BEND3: variants seen among roughly 807,000 people sequenced by gnomAD.
BEND3 encodes the protein BEN domain containing 3.
A neutral mutation model predicts 60.1 loss-of-function variants in BEND3; 13 were observed. The ratio of observed to expected loss-of-function variants is 0.22; its 90% confidence interval spans 0.14 to 0.34. The LOEUF (loss-of-function observed/expected upper bound fraction) is 0.34, where lower values mean the gene tolerates loss of function less well. Ranked by LOEUF, BEND3 falls within the 10% of genes least tolerant of loss-of-function variation. The pLI is 1.00. For synonymous variants in BEND3, 497 were observed against 491.5 expected, an observed-to-expected ratio of 1.01 and a Z score of -0.15; for missense variants, 896 against 1,138.1, an observed-to-expected ratio of 0.79 and a Z score of 3.06.
Position 107,069,657 on chromosome 6 carries a change from T to C in BEND3, c.1534A>G (p.Lys512Glu), listed in dbSNP as rs1774919012. 1 of 1,610,000 alleles carries C rather than the reference T, an allele frequency of 6.2e-7. No individual in the cohort carries two copies. Among genetic ancestry groups the C allele is most frequent in the East Asian group, 2.2e-5 (1 of 44,836 alleles). Residue 512 changes from lysine to glutamate, a missense_variant, in exon 4 of 4, where the codon AAG becomes GAG. This residue lies in a region of BEND3 where 846 missense variants were observed against 1,036.7 expected (regional missense o/e 0.82). Coordinates refer to ENST00000369042, the MANE Select transcript of BEND3 (RefSeq NM_001367314.1). Reference sequence around the variant, plus strand: ...TCGCCCTCGAAGCTGTCCTCCACCTTGACCACTGAGATGTCGTCGGGCAGA... The same window carrying C: ...TCGCCCTCGAAGCTGTCCTCCACCTCGACCACTGAGATGTCGTCGGGCAGA... ...SSLPDDISVV[K>E]VEDSFEGERP...
Position 107,068,685 on chromosome 6 carries a change from C to G in BEND3, c.*19G>C, listed in dbSNP as rs781928628. 7 of 1,604,734 alleles carry G rather than the reference C, an allele frequency of 4.4e-6. No individual in the cohort carries two copies. The highest frequency in any genetic ancestry group is 6.0e-6 in the Non-Finnish European group (7 of 1,175,636). On this transcript the variant is annotated 3_prime_UTR_variant, in exon 4 of 4. Coordinates refer to ENST00000369042, the MANE Select transcript of BEND3 (RefSeq NM_001367314.1). This position sits in a 1 kb window ranked among gnomAD's most constrained non-coding sequence, Gnocchi z 5.8. ...CTCAGCCTCTGGTGACCCCGAATCTCTGGGCAGGTCACGGGCCTTCACTTC... is the reference window on the plus strand; with the variant it reads ...CTCAGCCTCTGGTGACCCCGAATCTGTGGGCAGGTCACGGGCCTTCACTTC...
At chr6:107,095,517 A>C (rs2115023636) in intron 3 of BEND3, among the ~76,000 whole-genome samples, 1 of 152,282 alleles carries the variant, frequency 6.6e-6, no homozygotes, top group Non-Finnish European at 1.5e-5. Flanking sequence ...TTTTTACCAA[A>C]CTAAACATAA....
At chr6:107,088,224 G>A (rs1554234602) in intron 3 of BEND3, among the ~76,000 whole-genome samples, 2 of 151,726 alleles carry the variant, frequency 1.3e-5, no homozygotes, top group Non-Finnish European at 2.9e-5. Flanking sequence ...GGACACGGCT[G>A]AAAAAAGAAT....
intron 1 of BEND3, among the ~76,000 whole-genome samples, chr6:107,103,686 C>T (rs1039828427): frequency 2.0e-5 from 3 of 151,726 alleles, no homozygotes; most frequent in Admixed American, 6.7e-5. Context: ...CGGTGGCACA[C>T]GCCTGTAATC....
chr6:107,095,409 C>T (rs1162133262), intron 3 of BEND3, among the ~76,000 whole-genome samples: 2 of 152,140 alleles, frequency 1.3e-5, no homozygotes, highest in African/African-American at 4.8e-5. Context: ...AAAATCCGAA[C>T]ACTGACAACA....
In BEND3 at chr6:107,069,316, G is replaced by A; in HGVS notation, c.1875C>T (p.Ala625=). ...RHYVQLLYPR[A]KNDRVWTLEF... is the part of the protein sequence containing the mutation. ...CCAGGGTCCAGACGCGGTCGTTTTT[G>A]GCGCGTGGGTAGAGCAGCTGCACGT... Residue 625 remains alanine (A), a synonymous_variant, in exon 4 of 4, where the codon GCC becomes GCT. Coordinates refer to ENST00000369042, the MANE Select transcript of BEND3 (RefSeq NM_001367314.1). 1.3e-6 allele frequency: 2 copies of A among 1,574,414 alleles called. No homozygotes were observed. Among genetic ancestry groups the A allele is most frequent in the Non-Finnish European group, 1.7e-6 (2 of 1,152,010 alleles).
chr6:107,098,448 A>G (rs554296735), intron 3 of BEND3, 103 bp downstream of exon 3: 2 of 1,210,350 alleles, frequency 1.7e-6, no homozygotes, highest in African/African-American at 3.0e-5. Context: ...CCCATGCCCA[A>G]GGGTTCAGCA....
At chr6:107,071,485 G>A (rs1368792983) in intron 3 of BEND3, among the ~76,000 whole-genome samples, 3 of 152,164 alleles carry the variant, frequency 2.0e-5, no homozygotes, top group African/African-American at 7.2e-5. Context: ...AGGCTCATCT[G>A]GGATGCATGG....
At chr6:107,075,766 G>A (rs1775088021) in intron 3 of BEND3, among the ~76,000 whole-genome samples, 2 of 152,328 alleles carry the variant, frequency 1.3e-5, no homozygotes, top group South Asian at 2.1e-4. Flanking sequence ...ACATGTTCTA[G>A]AGGGAGACTT....
rs1774846690 is a variant in BEND3, at chr6:107,066,963, G to A, written c.*1741C>T. On this transcript the variant is annotated 3_prime_UTR_variant, in exon 4 of 4. Transcript: ENST00000369042. ...GCAGTGCGTGTGTGCATGAGTAGCT[G>A]TGTAAGACAGAGAGTCATTCAGTCC... The A allele has an allele frequency of 6.6e-6, 1 of 152,230 alleles. No homozygotes were observed. The highest frequency in any genetic ancestry group is 2.4e-5 in the African/African-American group (1 of 41,456). The allele number at this position is 152,230 out of a possible 1,614,324, so 9.4% of individuals were successfully genotyped here.
chr6:107,071,846 G>T lies in BEND3; in HGVS notation c.241-896C>A, dbSNP rs1267231464. ...TGCCTATAGTGACAGAATGCAGATA[G>T]TCATTGCCTAGGGATGGCAGGGAGA... On this transcript the variant is annotated intron_variant, in intron 3 of 3. Transcript: ENST00000369042. Among the ~76,000 whole-genome samples, 38 of 152,214 alleles carry T rather than the reference G, an allele frequency of 2.5e-4. 1 individual carries two copies. Among genetic ancestry groups the T allele is most frequent in the Admixed American group, 2.5e-3 (38 of 15,284 alleles).
intron 1 of BEND3, among the ~76,000 whole-genome samples, chr6:107,107,123 G>C (rs1378054762): frequency 1.3e-5 from 2 of 151,918 alleles, no homozygotes; most frequent in Non-Finnish European, 2.9e-5. Context: ...TTTTAGTAGA[G>C]ACAGAGTTTC....
chr6:107,099,418 A>G, intron 1 of BEND3, 122 bp from the exon 2 acceptor site: 2 of 786,244 alleles, frequency 2.5e-6, no homozygotes, highest in Non-Finnish European at 4.2e-6. Context: ...GCAGCACAGC[A>G]CTGTGGAAGC....
intron 1 of BEND3, among the ~76,000 whole-genome samples, chr6:107,099,592 T>C (rs1313851055): frequency 6.6e-6 from 1 of 152,152 alleles, no homozygotes; most frequent in Non-Finnish European, 1.5e-5. Context: ...ACAAATCAAC[T>C]CTTAAAAAAG....
At chr6:107,098,281 C>G (rs1346009853) in intron 3 of BEND3, among the ~76,000 whole-genome samples, 1 of 152,244 alleles carries the variant, frequency 6.6e-6, no homozygotes, top group Non-Finnish European at 1.5e-5. Context: ...CAAGCTCCTG[C>G]TTTCCCCCAC....
chr6:107,102,647 C>T (rs1371104512), intron 1 of BEND3, among the ~76,000 whole-genome samples: 3 of 152,222 alleles, frequency 2.0e-5, no homozygotes, highest in Non-Finnish European at 4.4e-5. Context: ...GCATGGTGGG[C>T]CCCTTCCCTC....
chr6:107,093,125 C>T (rs1038782056), intron 3 of BEND3, among the ~76,000 whole-genome samples: 3 of 152,114 alleles, frequency 2.0e-5, no homozygotes, highest in African/African-American at 7.2e-5. Flanking sequence ...TATCAATAAA[C>T]TAATTCTAAA....
intron 3 of BEND3, 60 bp downstream of exon 3, chr6:107,098,491 C>T (rs1355048452): frequency 2.2e-5 from 34 of 1,553,840 alleles, no homozygotes; most frequent in Non-Finnish European, 3.0e-5. Context: ...GAGGGAGATT[C>T]AGCATGGAAT....
At chr6:107,084,145 G>C (rs1036964157) in intron 3 of BEND3, among the ~76,000 whole-genome samples, 6 of 152,198 alleles carry the variant, frequency 3.9e-5, no homozygotes, top group African/African-American at 1.4e-4. Flanking sequence ...CGAAACAGAC[G>C]GGTGAGTACA....
Sources: gnomAD v4.1 joint callset for allele counts (sites outside exome capture counted in the v4.1 genomes callset) on GRCh38, gnomAD v4.1.1 for gene constraint, gnomAD v4.1.1 regional missense constraint, Gnocchi (gnomAD v3.1) non-coding constraint, MANE v1.5 for transcripts, NCBI Gene and HGNC (gene_info 2026-07-23, HGNC 2026-07-21) for gene names.